FAF1: variants seen among roughly 807,000 people sequenced by gnomAD.
FAF1 encodes the protein Fas associated factor 1.
In FAF1, 25 loss-of-function variants were observed where a neutral mutation model predicts 92.5. The ratio of observed to expected loss-of-function variants is 0.27; its 90% CI spans 0.20 to 0.38. The LOEUF (loss-of-function observed/expected upper bound fraction) is 0.38, where lower values mean the gene tolerates loss of function less well. FAF1 is among the 10% of genes least tolerant of loss of function. The pLI is 1.00. For synonymous variants in FAF1, 234 were observed against 273.2 expected (o/e 0.86, Z 1.42); for missense variants, 636 against 793.3 (o/e 0.80, Z 2.38).
chr1:50,937,849 A>C (rs888999080), intron 1 of FAF1, among the ~76,000 whole-genome samples: 1 of 152,204 alleles, frequency 6.6e-6, no homozygotes, highest in Non-Finnish European at 1.5e-5. Flanking sequence ...CAGAGCAGAT[A>C]ATCGAAAAAT....
chr1:50,457,773 G>A (rs1646372969), intron 18 of FAF1, among the ~76,000 whole-genome samples: 1 of 136,542 alleles, frequency 7.3e-6, no homozygotes, highest in Admixed American at 7.3e-5. Flanking sequence ...GCATGGTGGT[G>A]TGCACTTATA....
intron 13 of FAF1, among the ~76,000 whole-genome samples, chr1:50,543,692 A>G (rs182558042): frequency 9.9e-5 from 15 of 152,166 alleles, no homozygotes; most frequent in Admixed American, 2.6e-4. Context: ...CAGCTCTATG[A>G]GACTTTATTT....
At chr1:50,469,267 T>C (rs565469111) in intron 18 of FAF1, among the ~76,000 whole-genome samples, 43 of 152,312 alleles carry the variant, frequency 2.8e-4, no homozygotes, top group African/African-American at 9.9e-4. Context: ...CATTAATTAA[T>C]TGAATGTACA....
intron 6 of FAF1, among the ~76,000 whole-genome samples, chr1:50,710,894 G>A (rs115661914): frequency 0.012 from 1,719 of 137,628 alleles, 35 homozygotes; most frequent in African/African-American, 0.043. Flanking sequence ...GAGCCACCGA[G>A]CCCGGCCAAG....
In FAF1 at chr1:50,887,645, C is replaced by T. The variant is rs1343396583; in HGVS notation, c.46-29648G>A. Among the ~76,000 whole-genome samples, 4 of 152,286 alleles carry T rather than the reference C, an allele frequency of 2.6e-5. No individual in the cohort carries two copies. In the Middle Eastern group the frequency reaches 0.014, roughly 518 times the overall value. ...ATTATTAAACAGGGAATCCTTTCCCCATTTCTTGTTTTTATCAGGTTTGTC... is the reference window on the plus strand; with the variant it reads ...ATTATTAAACAGGGAATCCTTTCCCTATTTCTTGTTTTTATCAGGTTTGTC... On this transcript the variant is annotated intron_variant, in intron 1 of 18. Transcript: ENST00000396153.
intron 7 of FAF1, among the ~76,000 whole-genome samples, chr1:50,675,072 G>A (rs547488885): frequency 3.0e-4 from 46 of 152,154 alleles, no homozygotes; most frequent in African/African-American, 1.1e-3. Context: ...TGTATTTTTA[G>A]TAGAGACAGG....
intron 4 of FAF1, among the ~76,000 whole-genome samples, chr1:50,765,693 G>A (rs1660540902): frequency 6.6e-6 from 1 of 152,044 alleles, no homozygotes. Flanking sequence ...TGGGCTTCTG[G>A]ACCTCAAATT....
At chr1:50,483,506 T>A (rs1409355550) in intron 17 of FAF1, among the ~76,000 whole-genome samples, 1 of 152,208 alleles carries the variant, frequency 6.6e-6, no homozygotes, top group African/African-American at 2.4e-5. Flanking sequence ...TCAATCTCTA[T>A]AGAAAATCTT....
intron 13 of FAF1, among the ~76,000 whole-genome samples, chr1:50,565,664 C>T (rs188818641): frequency 2.0e-5 from 3 of 152,116 alleles, no homozygotes; most frequent in Admixed American, 6.6e-5. Flanking sequence ...AAAAGAAACC[C>T]TCAAACACTG....
At chr1:50,632,215 A>G (rs575619035) in intron 8 of FAF1, among the ~76,000 whole-genome samples, 1 of 152,316 alleles carries the variant, frequency 6.6e-6, no homozygotes, top group South Asian at 2.1e-4. Context: ...TGAAAATGTC[A>G]TATTTGTCAC....
chr1:50,764,274 C>A (rs978705669), intron 4 of FAF1, among the ~76,000 whole-genome samples: 1 of 152,046 alleles, frequency 6.6e-6, no homozygotes, highest in African/African-American at 2.4e-5. Context: ...ACCCTGTGTG[C>A]GACAAAGTCT....
At chr1:50,831,789 G>A (rs1482070482) in intron 2 of FAF1, among the ~76,000 whole-genome samples, 3 of 130,822 alleles carry the variant, frequency 2.3e-5, no homozygotes, top group Admixed American at 8.6e-5. Flanking sequence ...ACCCATAAGA[G>A]TATCCTTATC....
chr1:50,933,701 T>A lies in FAF1; in HGVS notation c.45+26066A>T, dbSNP rs12084675. 5.3e-3 allele frequency among the ~76,000 whole-genome samples: 805 copies of A among 152,374 alleles called. 9 individuals carry two copies. Among genetic ancestry groups the A allele is most frequent in the African/African-American group, 0.019 (771 of 41,584 alleles). ...CCCCACTGTACTGATATCAATTTAC[T>A]GTATTAGTTTGTTTTCATGCTGCTG... On this transcript the variant is annotated intron_variant, in intron 1 of 18. Transcript: ENST00000396153.
At chr1:50,829,757 C>T (rs1188966661) in intron 2 of FAF1, among the ~76,000 whole-genome samples, 1 of 152,212 alleles carries the variant, frequency 6.6e-6, no homozygotes, top group African/African-American at 2.4e-5. Flanking sequence ...GACATTATAT[C>T]CTGTAACTGA....
intron 2 of FAF1, among the ~76,000 whole-genome samples, chr1:50,850,729 T>C (rs1199639656): frequency 6.6e-6 from 1 of 152,140 alleles, no homozygotes; most frequent in African/African-American, 2.4e-5. Context: ...ATTAATATTT[T>C]ACTTAAAGAT....
rs149165645 is a variant in FAF1, at chr1:50,938,207, C to A, written c.45+21560G>T. Among the ~76,000 whole-genome samples, 244 of 152,280 alleles carry A rather than the reference C, an allele frequency of 1.6e-3. 2 individuals are homozygous for A. Among genetic ancestry groups the A allele is most frequent in the Non-Finnish European group, 2.6e-3 (174 of 68,030 alleles). On this transcript the variant is annotated intron_variant, in intron 1 of 18. Transcript: ENST00000396153. Reference sequence around the variant, plus strand: ...TTACTATAGCAATTGTGGAAAATAACTAAAAGCCAGGACTCTACAGTTTCA... The same window carrying A: ...TTACTATAGCAATTGTGGAAAATAAATAAAAGCCAGGACTCTACAGTTTCA...
intron 1 of FAF1, among the ~76,000 whole-genome samples, chr1:50,911,775 G>A (rs542125498): frequency 1.7e-4 from 26 of 152,264 alleles, no homozygotes; most frequent in African/African-American, 6.0e-4. Flanking sequence ...CCTCACGCCT[G>A]TAATCCCAGC....
At chr1:50,917,225 T>C (rs1445645551) in intron 1 of FAF1, among the ~76,000 whole-genome samples, 1 of 152,162 alleles carries the variant, frequency 6.6e-6, no homozygotes, top group Non-Finnish European at 1.5e-5. Flanking sequence ...TGAGAACAAA[T>C]TGAAAAGCTG....
At chr1:50,535,845 C>T (rs1306549133) in intron 14 of FAF1, among the ~76,000 whole-genome samples, 1 of 152,124 alleles carries the variant, frequency 6.6e-6, no homozygotes, top group Non-Finnish European at 1.5e-5. Context: ...CACTTTTATA[C>T]CATCTCATTT....
Sources: gnomAD v4.1 joint callset for allele counts (sites outside exome capture counted in the v4.1 genomes callset) on GRCh38, gnomAD v4.1.1 for gene constraint, MANE v1.5 for transcripts, NCBI Gene and HGNC (gene_info 2026-07-23, HGNC 2026-07-21) for gene names.